NRXN3: variants seen among roughly 807,000 people sequenced by gnomAD.
NRXN3 encodes neurexin III.
In NRXN3, 32 loss-of-function variants were observed where a neutral mutation model predicts 137.6. The ratio of observed to expected loss-of-function variants is 0.23; its 90% CI spans 0.18 to 0.31. The LOEUF (loss-of-function observed/expected upper bound fraction) is 0.31, where lower values mean the gene tolerates loss of function less well. NRXN3 is among the 10% of genes least tolerant of loss of function. The probability of loss-of-function intolerance (pLI) is 1.00; values close to 1 mark genes in which losing one functional copy is unlikely to be tolerated. For synonymous variants in NRXN3, 798 were observed against 784.5 expected (o/e 1.02, Z -0.29); for missense variants, 1,574 against 2,062.5 (o/e 0.76, Z 4.59).
chr14:78,961,110 A>C (rs910995119), intron 11 of NRXN3, among the ~76,000 whole-genome samples: 2 of 151,992 alleles, frequency 1.3e-5, no homozygotes, highest in African/African-American at 4.8e-5. Flanking sequence ...TTATGGAGAA[A>C]AGGATTTGGG....
At chr14:79,475,786 T>C (rs2096554421) in intron 16 of NRXN3, among the ~76,000 whole-genome samples, 1 of 152,152 alleles carries the variant, frequency 6.6e-6, no homozygotes, top group African/African-American at 2.4e-5. Context: ...ATCAGGCCTC[T>C]GAAATTTGAA....
chr14:79,676,700 T>C (rs1430397379), intron 17 of NRXN3, among the ~76,000 whole-genome samples: 2 of 151,994 alleles, frequency 1.3e-5, no homozygotes, highest in Non-Finnish European at 2.9e-5. Flanking sequence ...AGATTACATA[T>C]ATACCTTATA....
chr14:79,775,553 G>GA (rs749252781), intron 19 of NRXN3, among the ~76,000 whole-genome samples: 5,569 of 68,672 alleles, frequency 0.081, 191 homozygotes, highest in African/African-American at 0.12. Flanking sequence ...GGCTCTAACC[G>GA]AAAAAAAAAA....
At chr14:79,630,162 T>C (rs1386885249) in intron 16 of NRXN3, among the ~76,000 whole-genome samples, 1 of 152,154 alleles carries the variant, frequency 6.6e-6, no homozygotes, top group African/African-American at 2.4e-5. Context: ...TTTAGCTCAC[T>C]GGAATAGCAA....
chr14:79,461,820 A>G (rs1413452521), intron 15 of NRXN3, among the ~76,000 whole-genome samples: 2 of 152,200 alleles, frequency 1.3e-5, no homozygotes, highest in African/African-American at 2.4e-5. Flanking sequence ...TAAGCTTGTG[A>G]AAGAGTAATA....
intron 4 of NRXN3, among the ~76,000 whole-genome samples, chr14:78,515,892 C>A (rs907969405): frequency 2.6e-5 from 4 of 152,136 alleles, no homozygotes; most frequent in Non-Finnish European, 5.9e-5. Flanking sequence ...GCAGAATAGT[C>A]AAGAACTTGG....
chr14:79,355,172 T>A (rs2153401089), intron 15 of NRXN3, among the ~76,000 whole-genome samples: 1 of 152,246 alleles, frequency 6.6e-6, no homozygotes, highest in African/African-American at 2.4e-5. Flanking sequence ...TCATCAATAG[T>A]TAATGATAAG....
intron 8 of NRXN3, among the ~76,000 whole-genome samples, chr14:78,800,829 C>G (rs535001715): frequency 1.3e-5 from 2 of 152,088 alleles, no homozygotes; most frequent in Non-Finnish European, 2.9e-5. Flanking sequence ...TTCACTGTTA[C>G]GTCTATCACC....
chr14:79,805,683 T>C (rs1327526449), intron 20 of NRXN3, among the ~76,000 whole-genome samples: 1 of 152,158 alleles, frequency 6.6e-6, no homozygotes, highest in Non-Finnish European at 1.5e-5. Context: ...CAAAAATATA[T>C]GTATATATAT....
At chr14:79,537,604 C>T (rs1371006036) in intron 16 of NRXN3, among the ~76,000 whole-genome samples, 3 of 152,120 alleles carry the variant, frequency 2.0e-5, no homozygotes, top group Non-Finnish European at 4.4e-5. Context: ...ATCCATGTCC[C>T]TACAAAGGAC....
intron 15 of NRXN3, among the ~76,000 whole-genome samples, chr14:79,207,639 C>T (rs2066981303): frequency 6.6e-6 from 1 of 152,132 alleles, no homozygotes. Context: ...CTCTCTACTT[C>T]CCTAACTCCT....
chr14:78,452,392 A>G (rs971279935), intron 4 of NRXN3, among the ~76,000 whole-genome samples: 1 of 152,250 alleles, frequency 6.6e-6, no homozygotes, highest in Non-Finnish European at 1.5e-5. Flanking sequence ...GGCTATTATT[A>G]TCACCATTAA....
chr14:78,530,224 A>G (rs2096441077), intron 4 of NRXN3, among the ~76,000 whole-genome samples: 1 of 152,196 alleles, frequency 6.6e-6, no homozygotes, highest in Admixed American at 6.5e-5. Flanking sequence ...AAACAGGCCC[A>G]GAGTCAGCTT....
chr14:78,389,056 CTTTTT>C (rs5809885), intron 4 of NRXN3, among the ~76,000 whole-genome samples: 1 of 135,612 alleles, frequency 7.4e-6, no homozygotes, highest in Non-Finnish European at 1.6e-5. Flanking sequence ...GTTTAAGTTT[CTTTTT>C]TTTTTTTTTT....
intron 4 of NRXN3, among the ~76,000 whole-genome samples, chr14:78,312,673 A>T (rs2078112355): frequency 6.6e-6 from 1 of 151,578 alleles, no homozygotes; most frequent in Non-Finnish European, 1.5e-5. Context: ...TCGGGGTTCT[A>T]CCATGTGTCT....
chr14:78,756,348 C>G (rs2098668178), intron 8 of NRXN3, among the ~76,000 whole-genome samples: 1 of 151,970 alleles, frequency 6.6e-6, no homozygotes, highest in Admixed American at 6.6e-5. Flanking sequence ...ATTAGTCGGG[C>G]ATGGTGGCAT....
chr14:78,581,016 A>G (rs1427741428), intron 4 of NRXN3, among the ~76,000 whole-genome samples: 1 of 152,210 alleles, frequency 6.6e-6, no homozygotes, highest in East Asian at 1.9e-4. Context: ...CATCTACTAT[A>G]TGCCAGGTAC....
At chr14:78,734,112 C>T (rs188828359) in intron 8 of NRXN3, among the ~76,000 whole-genome samples, 1 of 152,076 alleles carries the variant, frequency 6.6e-6, no homozygotes, top group Admixed American at 6.6e-5. Context: ...CTTTTCTCTA[C>T]TGAGGCAAAG....
chr14:78,177,740 T>G (rs1473380920), intron 1 of NRXN3: 1 of 152,218 alleles, frequency 6.6e-6, no homozygotes, highest in Non-Finnish European at 1.5e-5. Flanking sequence ...AGCTCTACTT[T>G]CACTTACCCC....
Sources: gnomAD v4.1 joint callset for allele counts (sites outside exome capture counted in the v4.1 genomes callset) on GRCh38, gnomAD v4.1.1 for gene constraint, MANE v1.5 for transcripts, NCBI Gene and HGNC (gene_info 2026-07-23, HGNC 2026-07-21) for gene names.